RRP15: variants seen among roughly 807,000 people sequenced by gnomAD.
The protein encoded by RRP15 is ribosomal RNA processing 15 homolog.
RRP15 carries 18 observed loss-of-function variants against 27.1 expected under a neutral mutation model. The ratio of observed to expected loss-of-function variants is 0.66; its 90% CI spans 0.46 to 0.98. The LOEUF is 0.98. RRP15 is among the 50% of genes least tolerant of loss of function. RRP15 has a pLI of 0.00. For synonymous variants in RRP15, 107 were observed against 109.4 expected (o/e 0.98, Z 0.14); for missense variants, 359 against 337.8 (o/e 1.06, Z -0.49).
chr1:218,335,991 T>A lies in RRP15; in HGVS notation c.*4900T>A, dbSNP rs897495080. 2.0e-5 allele frequency: 3 copies of A among 152,214 alleles called. No individual in the cohort carries two copies. Among genetic ancestry groups the A allele is most frequent in the African/African-American group, 4.8e-5 (2 of 41,442 alleles). 9.4% of individuals were successfully genotyped at this position (152,214 alleles called of 1,614,324 possible). A position where few individuals can be genotyped will look rare whatever the true frequency, so the allele number is the denominator to read the frequency against. Reference sequence around the variant, plus strand: ...CTTTCAGAATTAATGCACCAAACCTTAAATATTTTTGTTGTTCTCTAAAAG... The same window carrying A: ...CTTTCAGAATTAATGCACCAAACCTAAAATATTTTTGTTGTTCTCTAAAAG... On this transcript the variant is annotated 3_prime_UTR_variant, in exon 5 of 5. Coordinates refer to ENST00000366932, the MANE Select transcript of RRP15 (RefSeq NM_016052.4).
intron 4 of RRP15, among the ~76,000 whole-genome samples, chr1:218,324,371 T>C (rs1333580355): frequency 6.6e-6 from 1 of 152,120 alleles, no homozygotes; most frequent in Non-Finnish European, 1.5e-5. Flanking sequence ...CGGCCGGCAG[T>C]GAGGTTGAGG....
chr1:218,299,730 C>T (rs1383282506), intron 1 of RRP15, among the ~76,000 whole-genome samples: 2 of 152,132 alleles, frequency 1.3e-5, no homozygotes, highest in Non-Finnish European at 2.9e-5. Flanking sequence ...ACAGGAAGCA[C>T]TTTTTCTAAG....
At chr1:218,314,456 T>C (rs1656049050) in intron 4 of RRP15, among the ~76,000 whole-genome samples, 2 of 152,188 alleles carry the variant, frequency 1.3e-5, no homozygotes, top group African/African-American at 2.4e-5. Flanking sequence ...TCTTGGAATG[T>C]AATTCTGTTA....
At chr1:218,316,753 G>A (rs1363575717) in intron 4 of RRP15, among the ~76,000 whole-genome samples, 3 of 152,136 alleles carry the variant, frequency 2.0e-5, no homozygotes, top group Non-Finnish European at 1.5e-5. Context: ...CCATCAAAAC[G>A]AGTTCCCTAT....
intron 1 of RRP15, among the ~76,000 whole-genome samples, chr1:218,301,107 T>G (rs1334330806): frequency 3.3e-5 from 5 of 152,248 alleles, no homozygotes; most frequent in African/African-American, 4.8e-5. Flanking sequence ...TTTTCTGTAA[T>G]AATCTTTTGA....
At chr1:218,286,368 C>G (rs1465712517) in intron 1 of RRP15, among the ~76,000 whole-genome samples, 1 of 152,090 alleles carries the variant, frequency 6.6e-6, no homozygotes, top group African/African-American at 2.4e-5. Context: ...TAAACATGCT[C>G]CCACACCATG....
chr1:218,316,453 AAGTC>A (rs1343379527), intron 4 of RRP15, among the ~76,000 whole-genome samples: 1 of 152,202 alleles, frequency 6.6e-6, no homozygotes. Flanking sequence ...GCATTTTTAA[AAGTC>A]AGAATAATAT....
chr1:218,302,395 G>T lies in RRP15; in HGVS notation c.241G>T (p.Asp81Tyr). 1 of 1,614,092 alleles carries T rather than the reference G, an allele frequency of 6.2e-7. No individual in the cohort carries two copies. Among genetic ancestry groups the T allele is most frequent in the Non-Finnish European group, 8.5e-7 (1 of 1,179,984 alleles). ...AEPCDKENENDGESSVGTNMG... is the reference protein window; with the variant it reads ...AEPCDKENENYGESSVGTNMG... ...GCCCTGTGACAAAGAAAATGAAAAT[G>T]ATGGAGAATCAAGTGTTGGGACTAA... is the stretch of plus-strand genomic sequence containing the variant. Residue 81 changes from aspartate (D) to tyrosine (Y), a missense_variant, in exon 2 of 5, where the codon GAT becomes TAT. Physicochemically the swap from Asp to Tyr is radical, Grantham distance 160. Transcript: ENST00000366932.
At chr1:218,316,600 A>G (rs1005429146) in intron 4 of RRP15, among the ~76,000 whole-genome samples, 1 of 152,220 alleles carries the variant, frequency 6.6e-6, no homozygotes, top group Non-Finnish European at 1.5e-5. Flanking sequence ...TGCCTGTTAT[A>G]TATAGTAGTA....
chr1:218,286,899 AGAGTACT>A (rs1655556859), intron 1 of RRP15, among the ~76,000 whole-genome samples: 2 of 151,548 alleles, frequency 1.3e-5, no homozygotes, highest in African/African-American at 4.9e-5. Flanking sequence ...CAAGAAGGGA[AGAGTACT>A]ATATTTGCTA....
At chr1:218,320,622 G>A (rs1355587513) in intron 4 of RRP15, among the ~76,000 whole-genome samples, 3 of 151,980 alleles carry the variant, frequency 2.0e-5, no homozygotes, top group Non-Finnish European at 4.4e-5. Flanking sequence ...TTTGAACAAG[G>A]ACATATGTAG....
intron 4 of RRP15, among the ~76,000 whole-genome samples, chr1:218,309,713 T>TTA (rs1441711277): frequency 2.6e-4 from 39 of 149,016 alleles, no homozygotes; most frequent in African/African-American, 8.8e-4. Context: ...AAAAAACATA[T>TTA]TTATTAAGTG....
At position 218,335,186 on chromosome 1, in the gene RRP15, C is replaced by T. The variant is rs868427303; in HGVS notation, c.*4095C>T. Reference sequence around the variant, plus strand: ...TAGAGAGCAATATTAATATTTTTTACCTAGTCTACTGAACATAATTTCAGG... The same window carrying T: ...TAGAGAGCAATATTAATATTTTTTATCTAGTCTACTGAACATAATTTCAGG... On this transcript the variant is annotated 3_prime_UTR_variant, in exon 5 of 5. Transcript: ENST00000366932. The T allele has an allele frequency of 6.6e-5, 10 of 152,050 alleles. No homozygotes were observed. Among genetic ancestry groups the T allele is most frequent in the South Asian group, 2.1e-4 (1 of 4,822 alleles). The allele number at this position is 152,050 out of a possible 1,614,324, so 9.4% of individuals were successfully genotyped here.
At chr1:218,303,395 T>C (rs565090146) in intron 2 of RRP15, among the ~76,000 whole-genome samples, 1 of 152,350 alleles carries the variant, frequency 6.6e-6, no homozygotes, top group African/African-American at 2.4e-5. Flanking sequence ...ATGAATGTTT[T>C]CTTTGTTCTT....
At position 218,307,434 on chromosome 1, in the gene RRP15, T is replaced by C. The variant is rs1360136739; in HGVS notation, c.507T>C (p.Gly169=). ...ERNLQRIATR[G]VVQLFNAVQK... ...CTGGTCATTTTATATTCTACAGGGG[T>C]GTGGTGCAATTATTTAATGCTGTTC... Residue 169 remains glycine, a synonymous_variant, in exon 4 of 5, where the codon GGT becomes GGC. Coordinates refer to ENST00000366932, the MANE Select transcript of RRP15 (RefSeq NM_016052.4). 6.2e-7 allele frequency: 1 copy of C among 1,612,174 alleles called. No homozygotes were observed. Among genetic ancestry groups the C allele is most frequent in the East Asian group, 2.2e-5 (1 of 44,822 alleles).
At chr1:218,325,102 A>G (rs977584478) in intron 4 of RRP15, among the ~76,000 whole-genome samples, 1 of 151,454 alleles carries the variant, frequency 6.6e-6, no homozygotes, top group Non-Finnish European at 1.5e-5. Flanking sequence ...TTCTTGGTTC[A>G]CTCTCACTCT....
intron 1 of RRP15, among the ~76,000 whole-genome samples, chr1:218,289,679 ATCTC>A (rs1017614522): frequency 6.6e-6 from 1 of 151,624 alleles, no homozygotes; most frequent in Non-Finnish European, 1.5e-5. Context: ...TCTTGCCCGC[ATCTC>A]TCTCTCTCTC....
In RRP15 at chr1:218,335,543, C is replaced by T. The variant is rs1363240960; in HGVS notation, c.*4452C>T. 6.6e-6 allele frequency: 1 copy of T among 152,194 alleles called. No homozygotes were observed. The highest frequency in any genetic ancestry group is 2.4e-5 in the African/African-American group (1 of 41,450). The allele number at this position is 152,194 out of a possible 1,614,324, so 9.4% of individuals were successfully genotyped here. A position where few individuals can be genotyped will look rare whatever the true frequency, so the allele number is the denominator to read the frequency against. On this transcript the variant is annotated 3_prime_UTR_variant, in exon 5 of 5. Transcript: ENST00000366932. ...TGCTGTTCAATATGGTAGCCACTCG[C>T]AGAGGTGACTACTGAGCATTTCACG...
At chr1:218,289,214 A>AT in intron 1 of RRP15, among the ~76,000 whole-genome samples, 1 of 152,136 alleles carries the variant, frequency 6.6e-6, no homozygotes, top group East Asian at 1.9e-4. Flanking sequence ...GTAATGTGGT[A>AT]TTTGTAAGCT....
Sources: gnomAD v4.1 joint callset for allele counts (sites outside exome capture counted in the v4.1 genomes callset) on GRCh38, gnomAD v4.1.1 for gene constraint, MANE v1.5 for transcripts, NCBI Gene and HGNC (gene_info 2026-07-23, HGNC 2026-07-21) for gene names.